Variants in GRIK4 observed in about 807,000 individuals in gnomAD.
GRIK4 encodes glutamate ionotropic receptor kainate type subunit 4.
In GRIK4, 40 loss-of-function variants were observed where a neutral mutation model predicts 104.9. The observed-to-expected ratio is 0.38, with a 90% confidence interval of 0.30 to 0.50. The LOEUF (loss-of-function observed/expected upper bound fraction) is 0.50. GRIK4 is among the 20% of genes least tolerant of loss of function. GRIK4 has a pLI of 0.93. For missense variants in GRIK4, 1,047 were observed against 1,308.1 expected, an observed-to-expected ratio of 0.80 and a Z score of 3.08; for synonymous variants, 485 against 524.9, an observed-to-expected ratio of 0.92 and a Z score of 1.04.
At chr11:120,679,267 C>T (rs780212167) in intron 3 of GRIK4, among the ~76,000 whole-genome samples, 4 of 152,190 alleles carry the variant, frequency 2.6e-5, no homozygotes, top group African/African-American at 4.8e-5. Flanking sequence ...GGAGAGACCA[C>T]ATGTCCCTTA....
intron 3 of GRIK4, among the ~76,000 whole-genome samples, chr11:120,755,146 G>T (rs1951630447): frequency 6.6e-6 from 1 of 152,182 alleles, no homozygotes; most frequent in Non-Finnish European, 1.5e-5. Flanking sequence ...ACTGTCTATA[G>T]TCAAAGACTG....
At chr11:120,642,588 T>G (rs1949483671) in intron 1 of GRIK4, among the ~76,000 whole-genome samples, 1 of 151,676 alleles carries the variant, frequency 6.6e-6, no homozygotes, top group South Asian at 2.1e-4. Flanking sequence ...AAGGCTTCAC[T>G]CTTCTCATCT....
chr11:120,987,559 T>C lies in GRIK4; in HGVS notation c.*1299T>C, dbSNP rs535427991. On this transcript the variant is annotated 3_prime_UTR_variant, in exon 21 of 21. Transcript: ENST00000527524. ...GAGAGAGGTGGAGTCTCCTAGTCAA[T>C]ACACGGGCCTGGGAACCAGGAACTC... is the stretch of plus-strand genomic sequence containing the variant. 1.3e-5 allele frequency: 2 copies of C among 152,374 alleles called. No individual in the cohort carries two copies. Among genetic ancestry groups the C allele is most frequent in the South Asian group, 4.1e-4 (2 of 4,828 alleles). 9.4% of individuals were successfully genotyped at this position (152,374 alleles called of 1,614,324 possible).
chr11:120,827,435 T>TGGCAGGCAGGCAGGCAGGCA (rs143321553), intron 6 of GRIK4, among the ~76,000 whole-genome samples: 9 of 151,858 alleles, frequency 5.9e-5, no homozygotes, highest in Non-Finnish European at 8.8e-5. Flanking sequence ...GCCTTAGACT[T>TGGCAGGCAGGCAGGCAGGCA]GGCAGGCAGG....
chr11:120,880,334 G>A (rs1194469373), intron 11 of GRIK4, among the ~76,000 whole-genome samples: 1 of 152,210 alleles, frequency 6.6e-6, no homozygotes, highest in Non-Finnish European at 1.5e-5. Flanking sequence ...AGTGGTGTAA[G>A]TATGTATTTA....
At chr11:120,911,867 A>T in intron 13 of GRIK4, among the ~76,000 whole-genome samples, 1 of 151,904 alleles carries the variant, frequency 6.6e-6, no homozygotes, top group Non-Finnish European at 1.5e-5. Context: ...AAGAAAAGAA[A>T]AGGTTTTTCT....
chr11:120,807,695 AAT>A (rs759160050), intron 4 of GRIK4, among the ~76,000 whole-genome samples: 107 of 152,182 alleles, frequency 7.0e-4, no homozygotes, highest in Non-Finnish European at 6.6e-4. Context: ...AAGGCATACA[AAT>A]AGTGATGAGT....
chr11:120,953,937 C>T lies in GRIK4; in HGVS notation c.1700+973C>T, dbSNP rs572629267. Reference sequence around the variant, plus strand: ...TCAGGAGGAGCTTCTGGAATCTGTCCGTGGCTCTGGTTTGCAGGTGTCTCT... The same window carrying T: ...TCAGGAGGAGCTTCTGGAATCTGTCTGTGGCTCTGGTTTGCAGGTGTCTCT... On this transcript the variant is annotated intron_variant, in intron 15 of 20. Coordinates refer to ENST00000527524, the MANE Select transcript of GRIK4 (RefSeq NM_014619.5). The surrounding 1 kb of genome is among the most constrained non-coding windows in gnomAD (Gnocchi z 4.9). Among the ~76,000 whole-genome samples the T allele has an allele frequency of 2.0e-5, 3 of 152,266 alleles. No homozygotes were observed. Among genetic ancestry groups the T allele is most frequent in the African/African-American group, 7.2e-5 (3 of 41,556 alleles).
At chr11:120,595,991 C>A (rs534456734) in intron 1 of GRIK4, among the ~76,000 whole-genome samples, 1 of 152,178 alleles carries the variant, frequency 6.6e-6, no homozygotes, top group South Asian at 2.1e-4. Context: ...GGATTACAGG[C>A]GTGCGCCACC....
At chr11:120,769,507 A>G (rs930261500) in intron 3 of GRIK4, among the ~76,000 whole-genome samples, 1 of 152,224 alleles carries the variant, frequency 6.6e-6, no homozygotes, top group African/African-American at 2.4e-5. Flanking sequence ...ATATAATTGT[A>G]TGTGTCATGA....
intron 3 of GRIK4, among the ~76,000 whole-genome samples, chr11:120,799,074 G>C (rs191253199): frequency 1.2e-3 from 180 of 152,312 alleles, no homozygotes; most frequent in Middle Eastern, 0.01. Context: ...GGCAGAGGCA[G>C]GCCCAGCGTG....
intron 11 of GRIK4, 129 bp downstream of exon 11, chr11:120,875,372 C>T: frequency 1.5e-6 from 1 of 673,660 alleles, no homozygotes. Flanking sequence ...CTGGGCAAGG[C>T]TCCTGACCTG....
At chr11:120,659,184 C>T (rs951198265) in intron 2 of GRIK4, among the ~76,000 whole-genome samples, 12 of 152,140 alleles carry the variant, frequency 7.9e-5, no homozygotes, top group African/African-American at 2.2e-4. Flanking sequence ...GGCCAAGGCA[C>T]GTGCTGCCTT....
intron 1 of GRIK4, among the ~76,000 whole-genome samples, chr11:120,558,832 G>T (rs1948211764): frequency 6.6e-6 from 1 of 152,166 alleles, no homozygotes; most frequent in South Asian, 2.1e-4. Flanking sequence ...TCTGGACATG[G>T]TATGGGTTGC....
intron 3 of GRIK4, among the ~76,000 whole-genome samples, chr11:120,724,091 C>T (rs753216037): frequency 1.3e-5 from 2 of 152,156 alleles, no homozygotes; most frequent in East Asian, 1.9e-4. Context: ...TTTCAGTTAG[C>T]GTAATGCATT....
intron 3 of GRIK4, among the ~76,000 whole-genome samples, chr11:120,709,129 TA>T (rs1950681358): frequency 6.6e-6 from 1 of 152,124 alleles, no homozygotes; most frequent in Non-Finnish European, 1.5e-5. Context: ...TTTAAAATCT[TA>T]CCTGGAGACT....
chr11:120,946,800 A>G (rs554108144), intron 14 of GRIK4, among the ~76,000 whole-genome samples: 1 of 152,178 alleles, frequency 6.6e-6, no homozygotes, highest in Non-Finnish European at 1.5e-5. Flanking sequence ...ATCTCCATAC[A>G]TGTCCAACTA....
At chr11:120,837,157 A>G (rs1412253577) in intron 8 of GRIK4, among the ~76,000 whole-genome samples, 1 of 152,196 alleles carries the variant, frequency 6.6e-6, no homozygotes, top group Non-Finnish European at 1.5e-5. Context: ...TAGTCTCTAC[A>G]TGGACTTAGG....
rs1206297296 is a variant in GRIK4 at position 120,952,963 on chromosome 11, C to T, written c.1699C>T (p.Arg567Trp). ...CAGCTGTGTCCTCTTCCTGGTGGCTCGGTACTCTCCTCTTCCCTTCCCTGT... is the reference window on the plus strand; with the variant it reads ...CAGCTGTGTCCTCTTCCTGGTGGCTTGGTACTCTCCTCTTCCCTTCCCTGT... ...AVSCVLFLVARLTPYEWYSPH... is the reference protein window; with the variant it reads ...AVSCVLFLVAWLTPYEWYSPH... The change falls in exon 15 of 21, where the codon CGG (arginine) becomes TGG (tryptophan). Residue 567 changes from arginine to tryptophan, a missense_variant and splice_region_variant. Transcript: ENST00000527524. This position sits in a 1 kb window ranked among gnomAD's most constrained non-coding sequence, Gnocchi z 5.2. 2 of 1,591,710 alleles carry T rather than the reference C, an allele frequency of 1.3e-6. No individual in the cohort carries two copies. The highest frequency in any genetic ancestry group is 1.7e-6 in the Non-Finnish European group (2 of 1,160,764).
Sources: gnomAD v4.1 joint callset for allele counts (sites outside exome capture counted in the v4.1 genomes callset) on GRCh38, gnomAD v4.1.1 for gene constraint, Gnocchi (gnomAD v3.1) non-coding constraint, MANE v1.5 for transcripts, NCBI Gene and HGNC (gene_info 2026-07-23, HGNC 2026-07-21) for gene names.